Variants in CUBN observed in about 807,000 individuals in gnomAD.
The protein encoded by CUBN is cubilin, also known as 460 kDa receptor.
In CUBN, 282 loss-of-function variants were observed where a neutral mutation model predicts 405.3. That is an observed-to-expected ratio of 0.70 (90% CI 0.63 to 0.77). The LOEUF is 0.77. Among genes scored for constraint, CUBN ranks in the 30% least tolerant of loss-of-function variants. CUBN has a pLI of 0.00. For missense variants in CUBN, 4,514 were observed against 4,475.2 expected (o/e 1.01, Z -0.25); for synonymous variants, 1,684 against 1,617.0 (o/e 1.04, Z -0.99).
In CUBN at chr10:16,840,351, T is replaced by C. The variant is rs1238041665; in HGVS notation, c.10011A>G (p.Leu3337=). The C allele has an allele frequency of 8.7e-6, 14 of 1,614,090 alleles. No homozygotes were observed. Among genetic ancestry groups the C allele is most frequent in the Admixed American group, 1.7e-5 (1 of 60,010 alleles). The change falls in exon 62 of 67, where the codon TTA becomes TTG. Residue 3337 remains leucine (L), a synonymous_variant. Transcript: ENST00000377833. ...LTSQDCTQNY[L]QLQDSPQGHG... is the part of the protein sequence containing the mutation. ...TTACCTGCGGTGAGTCCTGAAGCTG[T>C]AAGTAATTCTGCGTGCAGTCTTGCG... is the stretch of plus-strand genomic sequence containing the variant.
chr10:16,862,974 A>T (rs1341423746), intron 59 of CUBN, among the ~76,000 whole-genome samples: 1 of 152,204 alleles, frequency 6.6e-6, no homozygotes, highest in Non-Finnish European at 1.5e-5. Context: ...CCCATCCTTC[A>T]AGACCAGGAG....
At chr10:16,996,589 T>G (rs1159437019) in intron 28 of CUBN, among the ~76,000 whole-genome samples, 1 of 151,412 alleles carries the variant, frequency 6.6e-6, no homozygotes, top group African/African-American at 2.4e-5. Context: ...TAATCTCCTA[T>G]GTAGGTACTA....
Position 17,088,196 on chromosome 10 carries a change from G to T in CUBN, c.1915C>A (p.His639Asn), listed in dbSNP as rs370816201. Reference protein sequence around the residue: ...TFTFGTLSLEHHDDCNKDYLE... With the variant: ...TFTFGTLSLENHDDCNKDYLE... The stretch of plus-strand genomic sequence containing the variant: ...TAATCTTTGTTGCAGTCATCATGGT[G>T]CTCGAGGCTCAAGGTCCCAAAAGTA... Residue 639 changes from histidine to asparagine, a missense_variant, in exon 15 of 67, where the codon CAC (histidine) becomes AAC (asparagine). By Grantham distance (68) the His-to-Asn change is moderately conservative (BLOSUM62 1). This residue lies in a region of CUBN where 1,448 missense variants were observed against 1,388.0 expected (regional missense o/e 1.04). Transcript: ENST00000377833. 1.9e-6 allele frequency: 3 copies of T among 1,613,502 alleles called. No individual in the cohort carries two copies. The highest frequency in any genetic ancestry group is 2.5e-6 in the Non-Finnish European group (3 of 1,179,524).
At chr10:17,087,475 T>TG (rs1836143554) in intron 15 of CUBN, among the ~76,000 whole-genome samples, 6 of 99,150 alleles carry the variant, frequency 6.1e-5, no homozygotes, top group African/African-American at 2.3e-4. Context: ...TCTTTTTCTT[T>TG]TTTTTTTTTT....
chr10:16,963,589 C>G (rs1366264833), intron 31 of CUBN, among the ~76,000 whole-genome samples: 3 of 152,122 alleles, frequency 2.0e-5, no homozygotes. Flanking sequence ...TGGTTACATA[C>G]AGATATTGCT....
In CUBN at chr10:17,129,799, A is replaced by G; in HGVS notation, c.-34T>C. The stretch of plus-strand genomic sequence containing the variant: ...CAGGTTGGCAGGTAAGAGTGAGGCC[A>G]CTCCAACCAACTGAGCATGGGATTT... On this transcript the variant is annotated 5_prime_UTR_variant, in exon 1 of 67. Transcript: ENST00000377833. 2 of 1,611,746 alleles carry G rather than the reference A, an allele frequency of 1.2e-6. No individual in the cohort carries two copies. The highest frequency in any genetic ancestry group is 1.7e-6 in the Non-Finnish European group (2 of 1,178,098).
rs950781991 is a variant in CUBN, at chr10:16,990,289, A to T, written c.4350+45T>A. The stretch of plus-strand genomic sequence containing the variant: ...TCTTGGCAGAGTGATTTCCTGTTCT[A>T]CCCCAAACTTTGGAATGTGCTGAAA... On this transcript the variant is annotated intron_variant, in intron 29 of 66. Coordinates refer to ENST00000377833, the MANE Select transcript of CUBN (RefSeq NM_001081.4). The T allele has an allele frequency of 3.2e-6, 5 of 1,581,522 alleles. No homozygotes were observed. In the African/African-American group the frequency reaches 6.7e-5, roughly 21 times the overall value.
At chr10:17,046,437 T>C (rs1835134041) in intron 23 of CUBN, among the ~76,000 whole-genome samples, 1 of 152,174 alleles carries the variant, frequency 6.6e-6, no homozygotes, top group Non-Finnish European at 1.5e-5. Flanking sequence ...CTATTAACTA[T>C]ATAAACATAC....
chr10:16,874,614 AT>A, intron 57 of CUBN, 111 bp from the exon 58 acceptor site: 1 of 1,344,588 alleles, frequency 7.4e-7, no homozygotes, highest in Non-Finnish European at 1.0e-6. Flanking sequence ...AGAGGTAATA[AT>A]TATTTTTCTT....
chr10:17,117,897 A>T (rs927926253), intron 6 of CUBN, among the ~76,000 whole-genome samples: 4 of 152,192 alleles, frequency 2.6e-5, no homozygotes, highest in African/African-American at 9.7e-5. Flanking sequence ...TTCTTATGAA[A>T]TAATAGTGGT....
Position 17,129,639 on chromosome 10 carries a change from C to A in CUBN, c.122+5G>T. Reference sequence around the variant, plus strand: ...TGAGCAGGAATGACCCATGTGTTTACTTACTGTTGGAGATTGATGCTTCTT... The same window carrying A: ...TGAGCAGGAATGACCCATGTGTTTAATTACTGTTGGAGATTGATGCTTCTT... On this transcript the variant is annotated splice_donor_5th_base_variant and intron_variant, in intron 1 of 66. Transcript: ENST00000377833. 6.2e-7 allele frequency: 1 copy of A among 1,614,158 alleles called. No individual in the cohort carries two copies. Among genetic ancestry groups the A allele is most frequent in the Non-Finnish European group, 8.5e-7 (1 of 1,180,002 alleles).
intron 4 of CUBN, 134 bp downstream of exon 4, chr10:17,126,627 G>T (rs1837197838): frequency 3.2e-6 from 3 of 938,282 alleles, no homozygotes; most frequent in East Asian, 2.6e-5. Flanking sequence ...GCTGGGATGA[G>T]AATTAAATTA....
intron 30 of CUBN, 130 bp downstream of exon 30, chr10:16,983,975 C>T: frequency 2.1e-6 from 2 of 972,682 alleles, no homozygotes; most frequent in South Asian, 2.6e-5. Flanking sequence ...TATGTCAGGT[C>T]TCAGTAGGCT....
chr10:17,015,000 C>T (rs543072573), intron 28 of CUBN, among the ~76,000 whole-genome samples: 23 of 152,312 alleles, frequency 1.5e-4, no homozygotes, highest in African/African-American at 5.5e-4. Flanking sequence ...TTCAGTACAA[C>T]TGGACATAGA....
chr10:16,880,484 A>G (rs1156999583), intron 56 of CUBN, among the ~76,000 whole-genome samples: 1 of 152,262 alleles, frequency 6.6e-6, no homozygotes, highest in Non-Finnish European at 1.5e-5. Context: ...TTGTGCAGCA[A>G]TCAGCAAAAA....
chr10:16,976,578 A>T (rs1280622680), intron 31 of CUBN, among the ~76,000 whole-genome samples: 1 of 151,508 alleles, frequency 6.6e-6, no homozygotes, highest in Non-Finnish European at 1.5e-5. Flanking sequence ...CTATTTTTTT[A>T]ATGATGACTT....
chr10:16,849,243 C>G (rs1027375298), intron 60 of CUBN, among the ~76,000 whole-genome samples: 1 of 151,860 alleles, frequency 6.6e-6, no homozygotes, highest in Non-Finnish European at 1.5e-5. Context: ...TTCAGGGATA[C>G]TACACTATTC....
Position 16,850,921 on chromosome 10 carries a change from T to C in CUBN, c.9663+314A>G, listed in dbSNP as rs111787897. The stretch of plus-strand genomic sequence containing the variant: ...ATTTTAGGATTTGCCAAAGGTCCTT[T>C]GAGTATCTCTCTCCAGAAAACCGAC... On this transcript the variant is annotated intron_variant, in intron 60 of 66. Coordinates refer to ENST00000377833, the MANE Select transcript of CUBN (RefSeq NM_001081.4). 8.7e-4 allele frequency among the ~76,000 whole-genome samples: 132 copies of C among 152,366 alleles called. 1 individual carries two copies. The highest frequency in any genetic ancestry group is 2.9e-3 in the African/African-American group (121 of 41,586).
chr10:16,834,939 A>G, intron 64 of CUBN, 75 bp downstream of exon 64: 1 of 1,349,308 alleles, frequency 7.4e-7, no homozygotes, highest in Admixed American at 1.7e-5. Flanking sequence ...GCAGCACTAG[A>G]TAAAAGGTGT....
Sources: gnomAD v4.1 joint callset for allele counts (sites outside exome capture counted in the v4.1 genomes callset) on GRCh38, gnomAD v4.1.1 for gene constraint, gnomAD v4.1.1 regional missense constraint, MANE v1.5 for transcripts, NCBI Gene and HGNC (gene_info 2026-07-23, HGNC 2026-07-21) for gene names.